IGF2BP2: variants seen among roughly 807,000 people sequenced by gnomAD.
IGF2BP2 encodes the protein insulin-like growth factor 2 mRNA-binding protein 2.
A neutral mutation model predicts 75.8 loss-of-function variants in IGF2BP2; 17 were observed. That is an observed-to-expected ratio of 0.22 (90% CI 0.15 to 0.34). IGF2BP2 has a LOEUF of 0.34. IGF2BP2 is among the 10% of genes least tolerant of loss of function. IGF2BP2 has a pLI of 1.00. For missense variants in IGF2BP2, 516 were observed against 772.4 expected (o/e 0.67, Z 3.93); for synonymous variants, 288 against 295.6 (o/e 0.97, Z 0.26).
rs546138450 is a variant in IGF2BP2, at chr3:185,696,227, C to T, written c.340+385G>A. ...TATAGGAGTCCTATTCATTGGGTAA[C>T]ACTCAGTCCAAGACATTAGGGATCT... On this transcript the variant is annotated intron_variant, in intron 4 of 15. Coordinates refer to ENST00000382199, the MANE Select transcript of IGF2BP2 (RefSeq NM_006548.6). Among the ~76,000 whole-genome samples, 50 of 152,296 alleles carry T rather than the reference C, an allele frequency of 3.3e-4. 1 individual carries two copies. Among genetic ancestry groups the T allele is most frequent in the African/African-American group, 1.2e-3 (48 of 41,564 alleles).
chr3:185,705,628 C>T (rs981620952), intron 2 of IGF2BP2, among the ~76,000 whole-genome samples: 2 of 152,112 alleles, frequency 1.3e-5, no homozygotes, highest in African/African-American at 4.8e-5. Context: ...AACAAAACTC[C>T]ATAGACTGAG....
chr3:185,646,060 G>A (rs1331988039), intron 15 of IGF2BP2, among the ~76,000 whole-genome samples: 1 of 152,184 alleles, frequency 6.6e-6, no homozygotes, highest in Non-Finnish European at 1.5e-5. Flanking sequence ...AACAGCTGGA[G>A]CACACACATG....
chr3:185,781,918 G>A (rs1194030725), intron 2 of IGF2BP2, among the ~76,000 whole-genome samples: 1 of 152,040 alleles, frequency 6.6e-6, no homozygotes, highest in African/African-American at 2.4e-5. Context: ...ATAAGGTCCT[G>A]GGAGTTCATA....
At position 185,739,505 on chromosome 3, in the gene IGF2BP2, C is replaced by A. The variant is rs199919960; in HGVS notation, c.240-41158G>T. Among the ~76,000 whole-genome samples, 77 of 152,296 alleles carry A rather than the reference C, an allele frequency of 5.1e-4. No individual in the cohort carries two copies. The East Asian group carries it at 0.014, about 28-fold the overall frequency. On this transcript the variant is annotated intron_variant, in intron 2 of 15. Transcript: ENST00000382199. ...ATCTTCCCTTGAATCTAAATGACAG[C>A]CTGGCTTTCTCCTGGCTCCTCAGGA...
At chr3:185,715,593 T>G (rs971952601) in intron 2 of IGF2BP2, among the ~76,000 whole-genome samples, 1 of 152,184 alleles carries the variant, frequency 6.6e-6, no homozygotes, top group African/African-American at 2.4e-5. Context: ...GCTGTCTATA[T>G]CCCACCATCA....
chr3:185,703,948 T>G (rs78602517), intron 2 of IGF2BP2, among the ~76,000 whole-genome samples: 1 of 152,066 alleles, frequency 6.6e-6, no homozygotes, highest in East Asian at 1.9e-4. Flanking sequence ...CAAATTAACA[T>G]GAATTGTGAG....
At chr3:185,658,698 G>A (rs772559538) in intron 10 of IGF2BP2, among the ~76,000 whole-genome samples, 2 of 152,210 alleles carry the variant, frequency 1.3e-5, no homozygotes, top group Admixed American at 6.5e-5. Context: ...TACCATGGGT[G>A]TGAACACACA....
chr3:185,754,383 T>A (rs1303635605), intron 2 of IGF2BP2, among the ~76,000 whole-genome samples: 1 of 152,076 alleles, frequency 6.6e-6, no homozygotes, highest in Non-Finnish European at 1.5e-5. Context: ...TGCAAAACTG[T>A]GAGCCAATTA....
intron 2 of IGF2BP2, among the ~76,000 whole-genome samples, chr3:185,779,393 C>T (rs1734922990): frequency 6.6e-6 from 1 of 152,112 alleles, no homozygotes; most frequent in African/African-American, 2.4e-5. Context: ...CAACATTTTG[C>T]CATAAATGTT....
In IGF2BP2 at chr3:185,774,678, A is replaced by G. The variant is rs1398175258; in HGVS notation, c.239+48475T>C. ...CCAACTCCTGCTTTCCCATTGATAA[A>G]TAAGTCTCACAGACAGTATATGTGA... is the stretch of plus-strand genomic sequence containing the variant. On this transcript the variant is annotated intron_variant, in intron 2 of 15. Transcript: ENST00000382199. 2.0e-5 allele frequency among the ~76,000 whole-genome samples: 3 copies of G among 152,114 alleles called. No individual in the cohort carries two copies. The East Asian group carries it at 5.8e-4, about 30-fold the overall frequency.
At chr3:185,677,106 G>GAGAGAGAGAGAGA (rs1719672543) in intron 7 of IGF2BP2, among the ~76,000 whole-genome samples, 1 of 128,368 alleles carries the variant, frequency 7.8e-6, no homozygotes, top group Non-Finnish European at 1.7e-5. Context: ...GAGAGAGAGA[G>GAGAGAGAGAGAGA]ATGTATATAT....
chr3:185,774,452 A>G (rs1734273684), intron 2 of IGF2BP2, among the ~76,000 whole-genome samples: 2 of 151,958 alleles, frequency 1.3e-5, no homozygotes, highest in South Asian at 4.2e-4. Context: ...AAAATTAGCC[A>G]GGCATGGTGG....
At chr3:185,820,029 T>C (rs1019479270) in intron 2 of IGF2BP2, among the ~76,000 whole-genome samples, 1 of 152,046 alleles carries the variant, frequency 6.6e-6, no homozygotes, top group Admixed American at 6.5e-5. Flanking sequence ...TTTCCTACAC[T>C]ATCTCATACT....
chr3:185,797,081 A>G (rs1422108589), intron 2 of IGF2BP2, among the ~76,000 whole-genome samples: 1 of 152,188 alleles, frequency 6.6e-6, no homozygotes, highest in Non-Finnish European at 1.5e-5. Context: ...ATTTCTGCTT[A>G]GGTATCTACC....
At chr3:185,720,143 A>G (rs938867956) in intron 2 of IGF2BP2, among the ~76,000 whole-genome samples, 5 of 152,182 alleles carry the variant, frequency 3.3e-5, no homozygotes, top group Non-Finnish European at 7.4e-5. Flanking sequence ...CCTGCCTTCC[A>G]GGAGTCTTCA....
chr3:185,794,236 G>C (rs894982524), intron 2 of IGF2BP2, among the ~76,000 whole-genome samples: 5 of 151,866 alleles, frequency 3.3e-5, no homozygotes, highest in African/African-American at 7.3e-5. Flanking sequence ...AAAGTGCTAG[G>C]ATTACAGGTG....
chr3:185,732,198 CT>C (rs1728286095), intron 2 of IGF2BP2, among the ~76,000 whole-genome samples: 1 of 152,136 alleles, frequency 6.6e-6, no homozygotes, highest in Non-Finnish European at 1.5e-5. Flanking sequence ...GTTTATGTGG[CT>C]TTTTCTCTAT....
Position 185,654,304 on chromosome 3 carries a change from TCA to T in IGF2BP2, c.1387-2138_1387-2137del, listed in dbSNP as rs1715077503. ...CAGGGGTCTGACACCCTCTGGCAGA[TCA>T]CACAGAGCCTGGCCATTGAGACTTC... On this transcript the variant is annotated intron_variant, in intron 12 of 15. Coordinates refer to ENST00000382199, the MANE Select transcript of IGF2BP2 (RefSeq NM_006548.6). 2.0e-5 allele frequency among the ~76,000 whole-genome samples: 3 copies of T among 152,274 alleles called. No individual in the cohort carries two copies. The South Asian group carries it at 6.2e-4, about 32-fold the overall frequency.
At chr3:185,687,012 C>T in intron 7 of IGF2BP2, 45 bp downstream of exon 7, 2 of 1,591,526 alleles carry the variant, frequency 1.3e-6, no homozygotes, top group Non-Finnish European at 1.7e-6. Flanking sequence ...GGAGAATCTA[C>T]TCTTTTTCTC....
Sources: allele counts gnomAD v4.1 joint callset (sites outside exome capture counted in the v4.1 genomes callset), GRCh38; gene constraint gnomAD v4.1.1; transcripts MANE v1.5; gene names NCBI Gene and HGNC (gene_info 2026-07-23, HGNC 2026-07-21).